The following FOXP1 variants were observed in gnomAD, a reference collection of about 807,000 sequenced individuals.
FOXP1 encodes the protein forkhead box P1, also known as forkhead box protein P1.
FOXP1 carries 15 observed loss-of-function variants against 98.2 expected under a neutral mutation model. The observed-to-expected ratio is 0.15, with a 90% confidence interval of 0.10 to 0.24. FOXP1 has a LOEUF of 0.24. Ranked by LOEUF, FOXP1 falls within the 10% of genes least tolerant of loss-of-function variation. The probability of loss-of-function intolerance (pLI) is 1.00; values close to 1 mark genes in which losing one functional copy is unlikely to be tolerated. For synonymous variants in FOXP1, 371 were observed against 314.5 expected (o/e 1.18, Z -1.90); for missense variants, 633 against 848.5 (o/e 0.75, Z 3.15).
chr3:71,392,786 G>A (rs904406173), intron 3 of FOXP1, among the ~76,000 whole-genome samples: 2 of 151,980 alleles, frequency 1.3e-5, no homozygotes, highest in Admixed American at 6.6e-5. Context: ...TATTGTTCAC[G>A]CTAACCTAAG....
At chr3:71,497,969 C>T (rs999670779) in intron 2 of FOXP1, among the ~76,000 whole-genome samples, 5 of 152,176 alleles carry the variant, frequency 3.3e-5, no homozygotes, top group African/African-American at 1.2e-4. Context: ...ATTTGAAAAG[C>T]CAGATTACCA....
In FOXP1 at chr3:70,956,132, C is replaced by T. The variant is rs1279530197; in HGVS notation, c.*3115G>A. Reference sequence around the variant, plus strand: ...CAAAAAGCAAAGGTGTTTTGACAAACAGGTGTATGCATTTATTCCTTTTTA... The same window carrying T: ...CAAAAAGCAAAGGTGTTTTGACAAATAGGTGTATGCATTTATTCCTTTTTA... On this transcript the variant is annotated 3_prime_UTR_variant, in exon 21 of 21. Transcript: ENST00000649528. 2 of 232,362 alleles carry T rather than the reference C, an allele frequency of 8.6e-6. No individual in the cohort carries two copies. The highest frequency in any genetic ancestry group is 5.6e-5 in the Admixed American group (1 of 17,734). The allele number at this position is 232,362 out of a possible 1,614,324, so 14.4% of individuals were successfully genotyped here.
chr3:71,545,036 G>A (rs565517301), intron 2 of FOXP1, among the ~76,000 whole-genome samples: 5 of 152,288 alleles, frequency 3.3e-5, no homozygotes, highest in African/African-American at 1.2e-4. Flanking sequence ...CACCACGCTT[G>A]CAGTCTGTTA....
chr3:70,968,602 C>T (rs905529357), intron 19 of FOXP1: 2 of 152,110 alleles, frequency 1.3e-5, no homozygotes, highest in African/African-American at 2.4e-5. Context: ...CGAAGCTTTA[C>T]GGTTACCCTT....
Position 71,321,961 on chromosome 3 carries a change from T to C in FOXP1, c.-72-22081A>G, listed in dbSNP as rs571913828. ...TGATTATAAAGTTGCCTGCGTCACT[T>C]AACTTTGCTGATCTTCACTTTCTTC... On this transcript the variant is annotated intron_variant, in intron 4 of 20. Transcript: ENST00000649528. 3.7e-4 allele frequency among the ~76,000 whole-genome samples: 56 copies of C among 152,298 alleles called. No homozygotes were observed. The South Asian group carries it at 5.4e-3, about 15-fold the overall frequency.
At chr3:71,342,886 T>A (rs1560338791) in intron 4 of FOXP1, among the ~76,000 whole-genome samples, 2 of 152,174 alleles carry the variant, frequency 1.3e-5, no homozygotes, top group Non-Finnish European at 2.9e-5. Flanking sequence ...ATTGACATAT[T>A]ACTGTTAACT....
At chr3:71,452,898 G>A (rs2087100103) in intron 3 of FOXP1, among the ~76,000 whole-genome samples, 1 of 152,118 alleles carries the variant, frequency 6.6e-6, no homozygotes, top group African/African-American at 2.4e-5. Flanking sequence ...ACTTACAAGA[G>A]TGCTTTCTGG....
chr3:71,333,111 C>A, intron 4 of FOXP1: 1 of 152,242 alleles, frequency 6.6e-6, no homozygotes. Context: ...CATAGGACTC[C>A]ACACTGAGGA....
intron 14 of FOXP1, among the ~76,000 whole-genome samples, chr3:70,981,974 C>T (rs2038942594): frequency 6.6e-6 from 1 of 152,184 alleles, no homozygotes; most frequent in Middle Eastern, 3.2e-3. Context: ...AATGAAATGT[C>T]AACCTTGTCA....
At chr3:71,461,868 T>C (rs2088159983) in intron 3 of FOXP1, among the ~76,000 whole-genome samples, 1 of 147,072 alleles carries the variant, frequency 6.8e-6, no homozygotes, top group Admixed American at 6.6e-5. Context: ...GGTATCACAG[T>C]GTAAAGTTAC....
At chr3:71,481,155 C>G (rs2090247267) in intron 3 of FOXP1, among the ~76,000 whole-genome samples, 1 of 152,164 alleles carries the variant, frequency 6.6e-6, no homozygotes, top group Admixed American at 6.5e-5. Flanking sequence ...TTAGGACAAA[C>G]TTTGGGGCTA....
chr3:71,002,095 T>C (rs1224259656), intron 12 of FOXP1, among the ~76,000 whole-genome samples: 1 of 152,184 alleles, frequency 6.6e-6, no homozygotes, highest in African/African-American at 2.4e-5. Context: ...GTGGTTTGAA[T>C]CAGAGATTTA....
intron 3 of FOXP1, among the ~76,000 whole-genome samples, chr3:71,461,681 A>T (rs2088131307): frequency 6.6e-6 from 1 of 152,076 alleles, no homozygotes; most frequent in South Asian, 2.1e-4. Context: ...GGCGCCTGTA[A>T]TCCCAGCTAC....
intron 7 of FOXP1, among the ~76,000 whole-genome samples, chr3:71,112,311 C>G (rs1170350589): frequency 1.3e-5 from 2 of 152,116 alleles, no homozygotes; most frequent in East Asian, 3.8e-4. Flanking sequence ...ACTCCTTATC[C>G]TTCTATTATA....
chr3:71,320,117 C>T (rs893492698), intron 4 of FOXP1, among the ~76,000 whole-genome samples: 2 of 152,108 alleles, frequency 1.3e-5, no homozygotes, highest in Non-Finnish European at 2.9e-5. Context: ...GAATGTACAA[C>T]GTTCCATCAA....
chr3:70,963,757 G>T (rs140294437), intron 20 of FOXP1, among the ~76,000 whole-genome samples: 1 of 152,168 alleles, frequency 6.6e-6, no homozygotes, highest in Non-Finnish European at 1.5e-5. Flanking sequence ...AGCTCCTTTA[G>T]CGCCTATCAG....
At chr3:71,317,342 G>C (rs545645639) in intron 4 of FOXP1, among the ~76,000 whole-genome samples, 1 of 152,268 alleles carries the variant, frequency 6.6e-6, no homozygotes, top group African/African-American at 2.4e-5. Context: ...ATCAGGTGTG[G>C]AGTACCACAT....
intron 5 of FOXP1, among the ~76,000 whole-genome samples, chr3:71,236,446 G>A (rs1048685574): frequency 2.4e-4 from 36 of 152,142 alleles, no homozygotes; most frequent in African/African-American, 8.4e-4. Context: ...CAGCACCCAC[G>A]ATCTACCAGT....
chr3:71,582,027 C>G (rs374234432), intron 1 of FOXP1: 1 of 977,944 alleles, frequency 1.0e-6, no homozygotes, highest in Non-Finnish European at 1.2e-6. Flanking sequence ...TTTGGAGTTA[C>G]AACTGTTTAT....
Sources: allele counts gnomAD v4.1 joint callset (sites outside exome capture counted in the v4.1 genomes callset), GRCh38; gene constraint gnomAD v4.1.1; transcripts MANE v1.5; gene names NCBI Gene and HGNC (gene_info 2026-07-23, HGNC 2026-07-21).